The following STAC variants were observed in gnomAD, a reference collection of about 807,000 sequenced individuals.
The protein encoded by STAC is SH3 and cysteine rich domain.
In STAC, 43 loss-of-function variants were observed where a neutral mutation model predicts 48.8. The ratio of observed to expected loss-of-function variants is 0.88; its 90% CI spans 0.69 to 1.14. The LOEUF is 1.14. Ranked by LOEUF, STAC falls within the 50% of genes most tolerant of loss-of-function variation. The pLI is 0.00. For missense variants in STAC, 497 were observed against 504.0 expected (o/e 0.99, Z 0.13); for synonymous variants, 193 against 179.5 (o/e 1.07, Z -0.60).
At chr3:36,459,908 C>G (rs904205730) in intron 2 of STAC, among the ~76,000 whole-genome samples, 18 of 152,068 alleles carry the variant, frequency 1.2e-4, no homozygotes, top group African/African-American at 4.1e-4. Flanking sequence ...AATCTAGTAA[C>G]ATTGTTTAAA....
intron 1 of STAC, among the ~76,000 whole-genome samples, chr3:36,399,156 G>C (rs554083484): frequency 6.6e-6 from 1 of 152,140 alleles, no homozygotes; most frequent in Non-Finnish European, 1.5e-5. Context: ...CTCCCAAAGG[G>C]GACAGTTCCC....
chr3:36,533,212 T>C lies in STAC; in HGVS notation c.1110+4227T>C, dbSNP rs76560583. On this transcript the variant is annotated intron_variant, in intron 10 of 10. Transcript: ENST00000273183. ...CTCCTTGAATACAAGTTCTTGCTCA[T>C]GTGGGCTCCCTATTGGGTCATTCTT... 5.2e-3 allele frequency among the ~76,000 whole-genome samples: 798 copies of C among 152,294 alleles called. 8 individuals carry two copies. The highest frequency in any genetic ancestry group is 0.017 in the African/African-American group (714 of 41,572).
intron 1 of STAC, among the ~76,000 whole-genome samples, chr3:36,428,598 T>C (rs913085053): frequency 1.5e-4 from 23 of 152,118 alleles, no homozygotes; most frequent in Non-Finnish European, 3.2e-4. Flanking sequence ...GGAAGTCTCG[T>C]GTGAATGACC....
rs1553631494 is a variant in STAC at position 36,398,368 on chromosome 3, A to AAAGAAAGAAAGAAAGAAAGAAAAG, written c.111+17616_111+17617insGAAAGAAAGAAAGAAAGAAAAGAA. ...GAAAGAAAGAAAGAAAGAAAGAAAG[A>AAAGAAAGAAAGAAAGAAAGAAAAG]AAAGAAAGAGAGAAAGAAAGAAAGA... On this transcript the variant is annotated intron_variant, in intron 1 of 10. Coordinates refer to ENST00000273183, the MANE Select transcript of STAC (RefSeq NM_003149.3). 1.3e-4 allele frequency among the ~76,000 whole-genome samples: 13 copies of AAAGAAAGAAAGAAAGAAAGAAAAG among 102,976 alleles called. 1 individual carries two copies. Among genetic ancestry groups the AAAGAAAGAAAGAAAGAAAGAAAAG allele is most frequent in the East Asian group, 6.2e-4 (2 of 3,242 alleles). The allele number at this position is 102,976 out of a possible 152,430, so 67.6% of individuals were successfully genotyped here.
intron 1 of STAC, among the ~76,000 whole-genome samples, chr3:36,392,192 C>T (rs892211722): frequency 2.0e-5 from 3 of 152,222 alleles, no homozygotes; most frequent in Admixed American, 6.5e-5. Flanking sequence ...CATATCTGTA[C>T]ATCTGCTAAT....
intron 1 of STAC, among the ~76,000 whole-genome samples, chr3:36,420,276 G>A (rs1485919759): frequency 6.6e-6 from 1 of 152,242 alleles, no homozygotes; most frequent in Non-Finnish European, 1.5e-5. Context: ...AAATGCTAGT[G>A]TAACTGATAC....
intron 1 of STAC, among the ~76,000 whole-genome samples, chr3:36,424,291 G>A (rs1408254750): frequency 6.6e-6 from 1 of 150,578 alleles, no homozygotes; most frequent in Non-Finnish European, 1.5e-5. Flanking sequence ...TCTTCCTCTA[G>A]TATAGTTTAA....
At chr3:36,381,523 G>A (rs759349624) in intron 1 of STAC, among the ~76,000 whole-genome samples, 1 of 152,222 alleles carries the variant, frequency 6.6e-6, no homozygotes, top group Non-Finnish European at 1.5e-5. Flanking sequence ...CTAAGATGGA[G>A]TTTGTAGTTA....
chr3:36,492,391 A>C (rs1698011333), intron 5 of STAC, among the ~76,000 whole-genome samples: 1 of 152,144 alleles, frequency 6.6e-6, no homozygotes, highest in Non-Finnish European at 1.5e-5. Context: ...TCACAGCCCC[A>C]GCTCCACCAT....
chr3:36,444,241 C>A (rs1189985218), intron 2 of STAC, among the ~76,000 whole-genome samples: 1 of 152,188 alleles, frequency 6.6e-6, no homozygotes, highest in Non-Finnish European at 1.5e-5. Flanking sequence ...GACTCATTTT[C>A]TTCTTTTAAA....
intron 2 of STAC, among the ~76,000 whole-genome samples, chr3:36,470,525 T>C (rs1697301422): frequency 6.6e-6 from 1 of 152,200 alleles, no homozygotes; most frequent in Admixed American, 6.5e-5. Context: ...ATTGCACTGG[T>C]TTTGTGTTGG....
chr3:36,452,723 C>T (rs1429746985), intron 2 of STAC, among the ~76,000 whole-genome samples: 1 of 152,190 alleles, frequency 6.6e-6, no homozygotes, highest in African/African-American at 2.4e-5. Flanking sequence ...GTGTGAGGGG[C>T]CCTATACTGA....
intron 1 of STAC, among the ~76,000 whole-genome samples, chr3:36,435,156 C>T (rs890661326): frequency 3.9e-5 from 6 of 152,146 alleles, no homozygotes; most frequent in Non-Finnish European, 4.4e-5. Flanking sequence ...CATCCTACCA[C>T]GGTACATTAC....
chr3:36,505,860 A>C (rs1358758778), intron 8 of STAC, 26 bp downstream of exon 8: 6 of 1,513,646 alleles, frequency 4.0e-6, no homozygotes, highest in Non-Finnish European at 4.5e-6. Context: ...AAAGAAAAAA[A>C]AGAGTAAAAT....
chr3:36,468,747 T>TATATATGTATATATATATAAAATAC (rs1697244537), intron 2 of STAC, among the ~76,000 whole-genome samples: 2 of 140,942 alleles, frequency 1.4e-5, no homozygotes, highest in Non-Finnish European at 3.0e-5. Context: ...ATAAAATACA[T>TATATATGTATATATATATAAAATAC]ATATGTGTGT....
intron 2 of STAC, among the ~76,000 whole-genome samples, chr3:36,449,340 C>A (rs921952773): frequency 2.6e-5 from 4 of 152,198 alleles, no homozygotes; most frequent in Non-Finnish European, 4.4e-5. Flanking sequence ...TCAACAGCTA[C>A]TTTTCCGTAA....
rs549646260 is a variant in STAC, at chr3:36,516,044, C to A, written c.920+10210C>A. Reference sequence around the variant, plus strand: ...TGTTGCCCTAGCCAGAGAGCAGTGGCGCAATCTTGGCTCACTGCAACCTCC... The same window carrying A: ...TGTTGCCCTAGCCAGAGAGCAGTGGAGCAATCTTGGCTCACTGCAACCTCC... On this transcript the variant is annotated intron_variant, in intron 8 of 10. Coordinates refer to ENST00000273183, the MANE Select transcript of STAC (RefSeq NM_003149.3). Among the ~76,000 whole-genome samples the A allele has an allele frequency of 7.2e-4, 96 of 132,724 alleles. 1 individual carries two copies. Among genetic ancestry groups the A allele is most frequent in the Non-Finnish European group, 4.6e-4 (30 of 65,472 alleles). 87.1% of individuals were successfully genotyped at this position (132,724 alleles called of 152,430 possible).
chr3:36,471,294 ACCTCCCACTTGGTC>A, intron 2 of STAC, among the ~76,000 whole-genome samples: 1 of 152,296 alleles, frequency 6.6e-6, no homozygotes, highest in South Asian at 2.1e-4. Flanking sequence ...TGTTTCAATT[ACCTCCCACTTGGTC>A]CCTCCCACAA....
intron 2 of STAC, among the ~76,000 whole-genome samples, chr3:36,478,693 G>A (rs1188403229): frequency 6.6e-6 from 1 of 151,906 alleles, no homozygotes; most frequent in Non-Finnish European, 1.5e-5. Flanking sequence ...TGGGTTTTTT[G>A]GCCAGGCTGG....
Sources: gnomAD v4.1 joint callset for allele counts (sites outside exome capture counted in the v4.1 genomes callset) on GRCh38, gnomAD v4.1.1 for gene constraint, MANE v1.5 for transcripts, NCBI Gene and HGNC (gene_info 2026-07-23, HGNC 2026-07-21) for gene names.